The following DPP6 variants were observed in gnomAD, a reference collection of about 807,000 sequenced individuals.
DPP6 encodes the protein dipeptidyl peptidase like 6, also known as A-type potassium channel modulatory protein DPP6.
Under a neutral mutation model 122.6 loss-of-function variants are expected in DPP6, and 69 were observed. The observed-to-expected ratio is 0.56, with a 90% CI of 0.46 to 0.69. The LOEUF (loss-of-function observed/expected upper bound fraction) is 0.69. Among genes scored for constraint, DPP6 ranks in the 30% least tolerant of loss-of-function variants. The pLI is 0.00. For missense variants in DPP6, 928 were observed against 1,116.9 expected (o/e 0.83, Z 2.41); for synonymous variants, 418 against 433.1 (o/e 0.97, Z 0.43).
intron 1 of DPP6, among the ~76,000 whole-genome samples, chr7:154,397,632 T>C (rs182603317): frequency 2.6e-5 from 4 of 152,190 alleles, no homozygotes. Context: ...ATGCTGTTAA[T>C]ACTTCATGCT....
intron 1 of DPP6, among the ~76,000 whole-genome samples, chr7:154,411,495 C>T (rs1042503901): frequency 6.6e-6 from 1 of 152,178 alleles, no homozygotes; most frequent in Non-Finnish European, 1.5e-5. Context: ...CCCTTCTTGG[C>T]CTCTCTAAGT....
At chr7:154,384,732 TC>T (rs1813927089) in intron 1 of DPP6, among the ~76,000 whole-genome samples, 1 of 118,032 alleles carries the variant, frequency 8.5e-6, no homozygotes, top group Non-Finnish European at 1.8e-5. Context: ...TTTCTTTCTT[TC>T]TTTCTTTTAT....
At chr7:153,781,977 T>TACACACACACACACACACAC in the DPP6 span, among the ~76,000 whole-genome samples, 5 of 89,798 alleles carry the variant, frequency 5.6e-5, no homozygotes, top group Non-Finnish European at 7.2e-5. Flanking sequence ...CCCCAGAGAA[T>TACACACACACACACACACAC]ACACACACAC....
At chr7:153,894,672 C>G (rs970623266) in intron 1 of DPP6, among the ~76,000 whole-genome samples, 2 of 152,062 alleles carry the variant, frequency 1.3e-5, no homozygotes, top group Non-Finnish European at 2.9e-5. Context: ...GTTCCTCCTG[C>G]CCCCGACCTC....
intron 1 of DPP6, among the ~76,000 whole-genome samples, chr7:154,279,276 G>A (rs918924331): frequency 2.8e-4 from 43 of 152,172 alleles, no homozygotes; most frequent in Non-Finnish European, 5.4e-4. Context: ...GTGGGGGTTT[G>A]TGTGTGTATG....
chr7:154,743,552 C>A (rs1244084224), intron 8 of DPP6, among the ~76,000 whole-genome samples: 1 of 152,194 alleles, frequency 6.6e-6, no homozygotes, highest in Admixed American at 6.5e-5. Context: ...TGCTCAAATG[C>A]CTGCTTTAAC....
chr7:153,945,001 G>A (rs1172731723), intron 1 of DPP6, among the ~76,000 whole-genome samples: 1 of 152,124 alleles, frequency 6.6e-6, no homozygotes, highest in Non-Finnish European at 1.5e-5. Context: ...GCACCGCTGT[G>A]CTTTGCCCTG....
intron 17 of DPP6, among the ~76,000 whole-genome samples, chr7:154,867,562 T>G (rs1563300864): frequency 1.3e-5 from 2 of 152,222 alleles, no homozygotes; most frequent in Non-Finnish European, 2.9e-5. Context: ...GAACATTTAA[T>G]AAAGATGATA....
chr7:154,278,913 GTGTA>G (rs1334580441), intron 1 of DPP6, among the ~76,000 whole-genome samples: 1 of 151,602 alleles, frequency 6.6e-6, no homozygotes, highest in Non-Finnish European at 1.5e-5. Flanking sequence ...GCAATTGCAT[GTGTA>G]TGTATGTGTA....
chr7:154,267,311 A>C (rs1803482516), intron 1 of DPP6, among the ~76,000 whole-genome samples: 1 of 147,428 alleles, frequency 6.8e-6, no homozygotes, highest in Non-Finnish European at 1.5e-5. Flanking sequence ...AATTCACAAT[A>C]ATATATTACA....
rs1238682498 is a variant in DPP6, at chr7:154,228,233, GC to G, written c.243+175172del. Among the ~76,000 whole-genome samples, 5 of 152,276 alleles carry G rather than the reference GC, an allele frequency of 3.3e-5. No homozygotes were observed. The East Asian group carries it at 9.6e-4, about 29-fold the overall frequency. The stretch of plus-strand genomic sequence containing the variant: ...AGTGACTTTTGTCCCTATGAATGAT[GC>G]CAAATTGATAGTTTAAAAATTGATG... On this transcript the variant is annotated intron_variant, in intron 1 of 25. Transcript: ENST00000377770.
At chr7:154,235,766 A>G (rs1801175638) in intron 1 of DPP6, among the ~76,000 whole-genome samples, 1 of 152,206 alleles carries the variant, frequency 6.6e-6, no homozygotes, top group Non-Finnish European at 1.5e-5. Flanking sequence ...TAATCTGCCT[A>G]GATTCAAAAT....
chr7:154,469,395 A>T (rs182581619), intron 2 of DPP6, among the ~76,000 whole-genome samples: 340 of 152,312 alleles, frequency 2.2e-3, no homozygotes, highest in Admixed American at 5.5e-3. Context: ...AGTAAATCTC[A>T]CTTTTGTAAA....
intron 1 of DPP6, among the ~76,000 whole-genome samples, chr7:154,129,207 T>C (rs1461934002): frequency 6.6e-6 from 1 of 152,112 alleles, no homozygotes; most frequent in Non-Finnish European, 1.5e-5. Flanking sequence ...TTAATGAACA[T>C]TTCCTGCAAT....
intron 17 of DPP6, among the ~76,000 whole-genome samples, chr7:154,854,901 C>T (rs550014974): frequency 1.3e-5 from 2 of 152,252 alleles, no homozygotes; most frequent in African/African-American, 4.8e-5. Context: ...CTCCTTCCCC[C>T]GAATCCTTCC....
chr7:153,918,428 AC>A (rs1800421824), intron 1 of DPP6, among the ~76,000 whole-genome samples: 1 of 21,784 alleles, frequency 4.6e-5, no homozygotes, highest in African/African-American at 2.2e-4. Context: ...GTTAATTAAA[AC>A]ACACACACAC....
At chr7:153,810,671 C>CCTCTCTCTCTCCTCT in the DPP6 span, among the ~76,000 whole-genome samples, 3 of 124,632 alleles carry the variant, frequency 2.4e-5, no homozygotes, top group Non-Finnish European at 4.9e-5. Context: ...CTCTCTCTCT[C>CCTCTCTCTCTCCTCT]CTCTCTCTCT....
At position 154,875,492 on chromosome 7, in the gene DPP6, C is replaced by T. The variant is rs1027102431; in HGVS notation, c.1884-414C>T. Reference sequence around the variant, plus strand: ...GGGATGTGGCTAGAGTCAGCGCGGCCTTGTCACTTGTGATGGGTACTGAGA... The same window carrying T: ...GGGATGTGGCTAGAGTCAGCGCGGCTTTGTCACTTGTGATGGGTACTGAGA... On this transcript the variant is annotated intron_variant, in intron 19 of 25. Transcript: ENST00000377770. This position sits in a 1 kb window ranked among gnomAD's most constrained non-coding sequence, Gnocchi z 4.5. Among the ~76,000 whole-genome samples the T allele has an allele frequency of 2.0e-5, 3 of 152,190 alleles. No individual in the cohort carries two copies. Among genetic ancestry groups the T allele is most frequent in the Admixed American group, 1.3e-4 (2 of 15,284 alleles).
At position 154,145,068 on chromosome 7, in the gene DPP6, T is replaced by A. The variant is rs555613468; in HGVS notation, c.243+92005T>A. ...ACTTGGCCCTGGCGCCTACACACCATCTCCCAGTTGTTTACTCAAGCACTG... is the reference window on the plus strand; with the variant it reads ...ACTTGGCCCTGGCGCCTACACACCAACTCCCAGTTGTTTACTCAAGCACTG... On this transcript the variant is annotated intron_variant, in intron 1 of 25. Transcript: ENST00000377770. Among the ~76,000 whole-genome samples, 4 of 152,250 alleles carry A rather than the reference T, an allele frequency of 2.6e-5. No homozygotes were observed. In the South Asian group the frequency reaches 8.3e-4, roughly 32 times the overall value.
Sources: gnomAD v4.1 joint callset for allele counts (sites outside exome capture counted in the v4.1 genomes callset) on GRCh38, gnomAD v4.1.1 for gene constraint, Gnocchi (gnomAD v3.1) non-coding constraint, MANE v1.5 for transcripts, NCBI Gene and HGNC (gene_info 2026-07-23, HGNC 2026-07-21) for gene names.